The following GRK4 variants were observed in gnomAD, a reference collection of about 807,000 sequenced individuals.
GRK4 encodes G protein-coupled receptor kinase 2-like.
GRK4 carries 73 observed loss-of-function variants against 77.9 expected under a neutral mutation model. That is an observed-to-expected ratio of 0.94 (90% confidence interval 0.78 to 1.14). GRK4 has a LOEUF of 1.14. Ranked by LOEUF, GRK4 falls within the 50% of genes most tolerant of loss-of-function variation. GRK4 has a pLI of 0.00. For synonymous variants in GRK4, 257 were observed against 254.4 expected (o/e 1.01, Z -0.10); for missense variants, 729 against 700.2 (o/e 1.04, Z -0.46).
At chr4:3,023,350 A>T (rs1284187249) in intron 10 of GRK4, among the ~76,000 whole-genome samples, 1 of 152,102 alleles carries the variant, frequency 6.6e-6, no homozygotes, top group Non-Finnish European at 1.5e-5. Context: ...GCTGGGAGAG[A>T]GCTTCTTTCA....
At chr4:3,039,031 C>T (rs1218755768) in intron 15 of GRK4, among the ~76,000 whole-genome samples, 2 of 152,126 alleles carry the variant, frequency 1.3e-5, no homozygotes, top group Admixed American at 1.3e-4. Context: ...GCCTGGCCAA[C>T]ATGGCAAAAC....
intron 10 of GRK4, among the ~76,000 whole-genome samples, chr4:3,025,371 A>C (rs1737175729): frequency 6.7e-6 from 1 of 148,928 alleles, no homozygotes; most frequent in Admixed American, 6.7e-5. Context: ...TTTTGCTTTC[A>C]ATTTTTAGCG....
In GRK4 at chr4:3,007,847, C is replaced by T; in HGVS notation, c.536+19C>T. ...TGGAAAGGTATGTACTGATTTTAAA[C>T]TTGATAAAAGCCAATTGAGGTGGCA... On this transcript the variant is annotated intron_variant, in intron 6 of 15. Transcript: ENST00000398052. 1 of 1,564,174 alleles carries T rather than the reference C, an allele frequency of 6.4e-7. No homozygotes were observed. The highest frequency in any genetic ancestry group is 8.7e-7 in the Non-Finnish European group (1 of 1,143,532).
chr4:2,963,628 C>G lies in GRK4; in HGVS notation c.-443C>G, dbSNP rs1049082291. The G allele has an allele frequency of 4.9e-5, 19 of 391,188 alleles. No individual in the cohort carries two copies. The highest frequency in any genetic ancestry group is 4.0e-4 in the African/African-American group (19 of 47,184). The allele number at this position is 391,188 out of a possible 1,614,324, so 24.2% of individuals were successfully genotyped here. On this transcript the variant is annotated 5_prime_UTR_variant, in exon 1 of 16. Coordinates refer to ENST00000398052, the MANE Select transcript of GRK4 (RefSeq NM_182982.3). ...CCCTCTTCAGCTAAGCCGTTAGCGC[C>G]GAGCCCGCCCGGGAGCGGGTCGCCG...
chr4:2,998,706 AAAG>A (rs1340662900), intron 4 of GRK4, among the ~76,000 whole-genome samples: 2 of 152,212 alleles, frequency 1.3e-5, no homozygotes, highest in African/African-American at 2.4e-5. Flanking sequence ...GAAAAAAATT[AAAG>A]AAGATCTCAA....
intron 11 of GRK4, 26 bp downstream of exon 11, chr4:3,028,027 T>C (rs1466454189): frequency 6.2e-7 from 1 of 1,603,938 alleles, no homozygotes; most frequent in East Asian, 2.2e-5. Flanking sequence ...TCGGCGTCCT[T>C]GTCCTTTCTA....
chr4:3,035,816 TC>T (rs1055063516), intron 13 of GRK4, among the ~76,000 whole-genome samples: 1 of 152,134 alleles, frequency 6.6e-6, no homozygotes, highest in African/African-American at 2.4e-5. Flanking sequence ...ATGGTGCCTG[TC>T]CTACCTGGTT....
At chr4:2,970,485 C>T (rs780123215) in intron 1 of GRK4, among the ~76,000 whole-genome samples, 3 of 151,804 alleles carry the variant, frequency 2.0e-5, no homozygotes, top group Non-Finnish European at 4.4e-5. Context: ...TGGTGAAACC[C>T]CGTCTCTACT....
intron 1 of GRK4, chr4:2,965,437 A>G (rs1157657268): frequency 1.4e-6 from 1 of 703,062 alleles, no homozygotes; most frequent in Non-Finnish European, 2.6e-6. Flanking sequence ...ACTCTTACGG[A>G]ATTGCTGATT....
chr4:2,978,864 G>T (rs1225303663), intron 1 of GRK4, among the ~76,000 whole-genome samples: 1 of 151,346 alleles, frequency 6.6e-6, no homozygotes, highest in Non-Finnish European at 1.5e-5. Context: ...AGGCCGAGGT[G>T]GGCGGATCTC....
Position 3,037,509 on chromosome 4 carries a change from G to T in GRK4, c.1543G>T (p.Glu515Ter), listed in dbSNP as rs1162086582. The change falls in exon 14 of 16, where the codon GAG becomes TAG. Residue 515 changes from glutamate (E) to a stop codon, truncating the protein, a stop_gained and splice_region_variant. Transcript: ENST00000398052. LOFTEE classifies it high-confidence loss of function. ...GTGTGTCTCCATCCCCTGGCAGAAT[G>T]AGGTACTGCCCTTCCAGCACAGCCG... is the stretch of plus-strand genomic sequence containing the variant. ...TGCVSIPWQN[E>*]MIESGCFKDI... 2.5e-6 allele frequency: 4 copies of T among 1,603,506 alleles called. No individual in the cohort carries two copies. In the Admixed American group the frequency reaches 5.0e-5, roughly 20 times the overall value.
rs376153235 is a variant in GRK4, at chr4:2,972,780, G to A, written c.52+8658G>A. 7.2e-5 allele frequency among the ~76,000 whole-genome samples: 11 copies of A among 152,234 alleles called. No homozygotes were observed. In the East Asian group the frequency reaches 7.7e-4, roughly 11 times the overall value. On this transcript the variant is annotated intron_variant, in intron 1 of 15. Coordinates refer to ENST00000398052, the MANE Select transcript of GRK4 (RefSeq NM_182982.3). ...GACAGGGTCTCACTCTGTCACCCAG[G>A]CTGGAGTGCAGCAGCATGATCTCGG...
intron 13 of GRK4, 141 bp downstream of exon 13, chr4:3,035,664 T>C: frequency 3.3e-6 from 3 of 899,794 alleles, no homozygotes; most frequent in South Asian, 1.8e-5. Flanking sequence ...CCTCAAGTGG[T>C]CCTCCACCTT....
At chr4:2,980,239 C>G (rs1722492560) in intron 1 of GRK4, among the ~76,000 whole-genome samples, 2 of 152,256 alleles carry the variant, frequency 1.3e-5, no homozygotes, top group African/African-American at 4.8e-5. Flanking sequence ...ATGACTGGGG[C>G]TGCCATGGCC....
intron 5 of GRK4, among the ~76,000 whole-genome samples, chr4:3,005,600 C>G (rs1389528221): frequency 1.3e-5 from 2 of 152,006 alleles, no homozygotes; most frequent in Non-Finnish European, 2.9e-5. Flanking sequence ...GCCAGGAGTT[C>G]AAGACCAGCC....
chr4:3,000,733 T>A (rs1179916191), intron 4 of GRK4, among the ~76,000 whole-genome samples: 1 of 150,722 alleles, frequency 6.6e-6, no homozygotes, highest in Non-Finnish European at 1.5e-5. Context: ...CCCAGCTAAT[T>A]TTTTTTTTGT....
intron 8 of GRK4, among the ~76,000 whole-genome samples, chr4:3,014,395 C>G (rs1339168225): frequency 6.6e-6 from 1 of 151,514 alleles, no homozygotes; most frequent in Non-Finnish European, 1.5e-5. Context: ...CTTCCAGGCC[C>G]AAGTGATCCT....
Position 3,037,364 on chromosome 4 carries a change from T to C in GRK4, c.1408-10T>C, listed in dbSNP as rs1470061429. ...TCATCTCAGAGGCTGCCCCTGTTCT[T>C]GCTACACAGCCTCATGCCGTTTACT... On this transcript the variant is annotated splice_polypyrimidine_tract_variant and intron_variant, in intron 13 of 15. Coordinates refer to ENST00000398052, the MANE Select transcript of GRK4 (RefSeq NM_182982.3). The C allele has an allele frequency of 6.3e-7, 1 of 1,576,220 alleles. No individual in the cohort carries two copies. Among genetic ancestry groups the C allele is most frequent in the Admixed American group, 1.7e-5 (1 of 59,352 alleles).
In GRK4 at chr4:3,040,595, T is replaced by G. The variant is rs540546499; in HGVS notation, c.1707T>G (p.Ser569Arg). Reference sequence around the variant, plus strand: ...AGGGCTGCCTGACCATGGTCCCCAGTGAGAAGGAAGTGGAACCCAAGCAAT... The same window carrying G: ...AGGGCTGCCTGACCATGGTCCCCAGGGAGAAGGAAGTGGAACCCAAGCAAT... ...RRGGCLTMVPSEKEVEPKQC is the reference protein window; with the variant it reads ...RRGGCLTMVPREKEVEPKQC Residue 569 changes from serine (S) to arginine (R), a missense_variant, in exon 16 of 16, where the codon AGT becomes AGG. By Grantham distance (110) the Ser-to-Arg change is moderately radical. Coordinates refer to ENST00000398052, the MANE Select transcript of GRK4 (RefSeq NM_182982.3). 5.0e-6 allele frequency: 8 copies of G among 1,611,138 alleles called. No homozygotes were observed. The African/African-American group carries it at 9.3e-5, about 19-fold the overall frequency.
Sources: gnomAD v4.1 joint callset for allele counts (sites outside exome capture counted in the v4.1 genomes callset) on GRCh38, gnomAD v4.1.1 for gene constraint, MANE v1.5 for transcripts, NCBI Gene and HGNC (gene_info 2026-07-23, HGNC 2026-07-21) for gene names.